Variants in SLC15A3 observed in about 807,000 individuals in gnomAD.
SLC15A3 encodes solute carrier family 15 member 3.
Under a neutral mutation model 49.2 loss-of-function variants are expected in SLC15A3, and 39 were observed. That is an observed-to-expected ratio of 0.79 (90% CI 0.61 to 1.04). The LOEUF (loss-of-function observed/expected upper bound fraction) is 1.04. Ranked by LOEUF, SLC15A3 falls within the 50% of genes least tolerant of loss-of-function variation. The probability of loss-of-function intolerance (pLI) is 0.00; values close to 1 mark genes in which losing one functional copy is unlikely to be tolerated. For missense variants in SLC15A3, 758 were observed against 794.8 expected (o/e 0.95, Z 0.56); for synonymous variants, 339 against 367.0 (o/e 0.92, Z 0.87).
intron 6 of SLC15A3, among the ~76,000 whole-genome samples, chr11:60,938,509 T>A (rs773693337): frequency 6.6e-6 from 1 of 152,128 alleles, no homozygotes; most frequent in Non-Finnish European, 1.5e-5. Context: ...CCTGTCCTCC[T>A]CACACAGCCA....
intron 3 of SLC15A3, 41 bp downstream of exon 3, chr11:60,943,648 G>T: frequency 6.8e-7 from 1 of 1,470,052 alleles, no homozygotes; most frequent in Non-Finnish European, 9.1e-7. Flanking sequence ...GATGGTGAGT[G>T]GGGAGCCAGG....
Position 60,937,997 on chromosome 11 carries a change from C to T in SLC15A3, c.1464G>A (p.Pro488=), listed in dbSNP as rs757007385. Residue 488 remains proline (P), a synonymous_variant, in exon 7 of 8, where the codon CCG becomes CCA. Transcript: ENST00000227880. ...CCATGATGGCGCCCTGCATGGAGCG[C>T]GGGGCCTCTGAGTAGGCAAACTCCA... ...PGLEFAYSEA[P]RSMQGAIMGI... is the part of the protein sequence containing the mutation. The T allele has an allele frequency of 1.0e-4, 164 of 1,613,872 alleles. No homozygotes were observed. The highest frequency in any genetic ancestry group is 7.4e-5 in the Non-Finnish European group (87 of 1,179,950).
In SLC15A3 at chr11:60,937,227, T is replaced by A; in HGVS notation, c.1738A>T (p.Arg580Trp). The A allele has an allele frequency of 6.2e-7, 1 of 1,613,908 alleles. No homozygotes were observed. Among genetic ancestry groups the A allele is most frequent in the Non-Finnish European group, 8.5e-7 (1 of 1,179,930 alleles). ...GCTGGAATAGGGCCTGTTCAGCCCC[T>A]GTCCCTGCTGAAACGGCTGTGGGAG... Reference protein sequence around the residue: ...PASHSRFSRDRG With the variant: ...PASHSRFSRDWG Residue 580 changes from arginine (R) to tryptophan (W), a missense_variant, in exon 8 of 8, where the codon AGG (arginine) becomes TGG (tryptophan). Coordinates refer to ENST00000227880, the MANE Select transcript of SLC15A3 (RefSeq NM_016582.3).
chr11:60,944,623 G>A (rs755285359), intron 2 of SLC15A3, among the ~76,000 whole-genome samples: 8 of 152,070 alleles, frequency 5.3e-5, no homozygotes, highest in South Asian at 2.1e-4. Flanking sequence ...AATTTGCCAC[G>A]GGAACCAGGG....
At chr11:60,942,444 T>TAAAA in intron 3 of SLC15A3, 2 of 267,100 alleles carry the variant, frequency 7.5e-6, no homozygotes, top group South Asian at 1.1e-4. Flanking sequence ...TAAGCATGGA[T>TAAAA]AAATGTTTGC....
At position 60,951,274 on chromosome 11, in the gene SLC15A3, AGCCAGCCGCCCACGGGC is replaced by A. The variant is rs1565130744; in HGVS notation, c.261_277del (p.Pro88GlyfsTer173). On this transcript the variant is annotated frameshift_variant, in exon 1 of 8. Coordinates refer to ENST00000227880, the MANE Select transcript of SLC15A3 (RefSeq NM_016582.3). LOFTEE classifies it high-confidence loss of function. ...GTAGCGGCCCAGGTACACGTCGGCCAGCCAGCCGCCCACGGGCGCCAGCAGGTAGGAGGCGCCCAGGA... is the reference window on the plus strand; with the variant it reads ...GTAGCGGCCCAGGTACACGTCGGCCAGCCAGCAGGTAGGAGGCGCCCAGGA... The A allele has an allele frequency of 6.6e-7, 1 of 1,515,834 alleles. No individual in the cohort carries two copies. The allele number at this position is 1,515,834 out of a possible 1,614,324, so 93.9% of individuals were successfully genotyped here. A position where few individuals can be genotyped will look rare whatever the true frequency, so the allele number is the denominator to read the frequency against.
rs544625316 is a variant in SLC15A3, at chr11:60,940,026, G to A, written c.1277-388C>T. The A allele has an allele frequency of 7.7e-4, 151 of 195,260 alleles. 1 individual carries two copies. In the South Asian group the frequency reaches 0.015, roughly 19 times the overall value. The allele number at this position is 195,260 out of a possible 1,614,324, so 12.1% of individuals were successfully genotyped here. Reference sequence around the variant, plus strand: ...ACACAGCTGATAAGTAGTCAGGGCTGGATTTGAGCTCTGGTATGTCTGGTT... The same window carrying A: ...ACACAGCTGATAAGTAGTCAGGGCTAGATTTGAGCTCTGGTATGTCTGGTT... On this transcript the variant is annotated intron_variant, in intron 5 of 7. Transcript: ENST00000227880.
At chr11:60,941,430 C>A in intron 4 of SLC15A3, 140 bp from the exon 5 acceptor site, 1 of 795,596 alleles carries the variant, frequency 1.3e-6, no homozygotes, top group Non-Finnish European at 1.9e-6. Flanking sequence ...TGCTCCTCAG[C>A]TGTGTAACCA....
chr11:60,949,534 AAG>A (rs776898704), intron 1 of SLC15A3, among the ~76,000 whole-genome samples: 9 of 77,658 alleles, frequency 1.2e-4, no homozygotes, highest in Admixed American at 3.5e-4. Context: ...GAAAGAAAGA[AAG>A]AAAGAAAGAA....
At chr11:60,950,104 A>G (rs1213581770) in intron 1 of SLC15A3, among the ~76,000 whole-genome samples, 2 of 152,214 alleles carry the variant, frequency 1.3e-5, no homozygotes, top group African/African-American at 4.8e-5. Flanking sequence ...TCAGAGGTTG[A>G]GCTAAGGGAG....
At chr11:60,950,199 A>G (rs547045393) in intron 1 of SLC15A3, among the ~76,000 whole-genome samples, 1 of 152,360 alleles carries the variant, frequency 6.6e-6, no homozygotes, top group East Asian at 1.9e-4. Context: ...GATCTGAGCA[A>G]GTCGGCCTGA....
At position 60,940,967 on chromosome 11, in the gene SLC15A3, G is replaced by T. The variant is rs766101183; in HGVS notation, c.1276+155C>A. ...GAGGGGCAGCTGGATTAGATAGGAGGGTCTCTTTCAGCTTGCACCTCTGGG... is the reference window on the plus strand; with the variant it reads ...GAGGGGCAGCTGGATTAGATAGGAGTGTCTCTTTCAGCTTGCACCTCTGGG... On this transcript the variant is annotated intron_variant, in intron 5 of 7. Coordinates refer to ENST00000227880, the MANE Select transcript of SLC15A3 (RefSeq NM_016582.3). The T allele has an allele frequency of 1.8e-3, 1,266 of 685,206 alleles. 38 individuals carry two copies. Among genetic ancestry groups the T allele is most frequent in the Non-Finnish European group, 3.8e-4 (167 of 434,494 alleles). 42.4% of individuals were successfully genotyped at this position (685,206 alleles called of 1,614,324 possible).
chr11:60,942,002 A>C (rs1167935782), intron 4 of SLC15A3, 33 bp downstream of exon 4: 1 of 1,595,914 alleles, frequency 6.3e-7, no homozygotes, highest in Admixed American at 1.7e-5. Flanking sequence ...TACCTGGCTG[A>C]ACTGGGTGCC....
At chr11:60,945,591 A>G (rs961270524) in intron 2 of SLC15A3, among the ~76,000 whole-genome samples, 1 of 152,246 alleles carries the variant, frequency 6.6e-6, no homozygotes, top group Non-Finnish European at 1.5e-5. Flanking sequence ...TTTTTCATTT[A>G]GATCCTATTG....
At chr11:60,946,199 G>A (rs983263377) in intron 2 of SLC15A3, among the ~76,000 whole-genome samples, 3 of 151,934 alleles carry the variant, frequency 2.0e-5, no homozygotes, top group Non-Finnish European at 2.9e-5. Flanking sequence ...TCACCATGTT[G>A]CCCAGGCTGG....
At chr11:60,947,272 C>T (rs771306507) in intron 1 of SLC15A3, among the ~76,000 whole-genome samples, 9 of 152,170 alleles carry the variant, frequency 5.9e-5, no homozygotes, top group South Asian at 4.1e-4. Context: ...CTCCACCTTC[C>T]GGGTTCATGC....
chr11:60,938,522 A>G (rs911792501), intron 6 of SLC15A3, among the ~76,000 whole-genome samples: 8 of 151,966 alleles, frequency 5.3e-5, no homozygotes, highest in African/African-American at 1.9e-4. Flanking sequence ...CACAGCCAGG[A>G]GCATCAGTCT....
intron 1 of SLC15A3, among the ~76,000 whole-genome samples, chr11:60,949,366 AAGAAAG>A (rs1471969601): frequency 4.4e-5 from 6 of 136,842 alleles, no homozygotes; most frequent in Admixed American, 1.4e-4. Flanking sequence ...GAAAGAAGGA[AAGAAAG>A]AGAAAGAAAG....
intron 1 of SLC15A3, among the ~76,000 whole-genome samples, chr11:60,950,058 G>A (rs988290287): frequency 6.6e-6 from 1 of 152,138 alleles, no homozygotes; most frequent in African/African-American, 2.4e-5. Flanking sequence ...TTTCTTCTAC[G>A]TGCCATGCTC....
Sources: allele counts gnomAD v4.1 joint callset (sites outside exome capture counted in the v4.1 genomes callset), GRCh38; gene constraint gnomAD v4.1.1; transcripts MANE v1.5; gene names NCBI Gene and HGNC (gene_info 2026-07-23, HGNC 2026-07-21).